HIVEP3: variants seen among roughly 807,000 people sequenced by gnomAD.
The protein encoded by HIVEP3 is transcription factor HIVEP3.
A neutral mutation model predicts 152.8 loss-of-function variants in HIVEP3; 49 were observed. The ratio of observed to expected loss-of-function variants is 0.32; its 90% CI spans 0.26 to 0.41. HIVEP3 has a LOEUF of 0.41. HIVEP3 is among the 10% of genes least tolerant of loss of function. The pLI is 1.00. For synonymous variants in HIVEP3, 1,269 were observed against 1,289.0 expected (o/e 0.98, Z 0.33); for missense variants, 2,790 against 3,103.3 (o/e 0.90, Z 2.40).
chr1:41,622,946 G>A (rs927364818), intron 3 of HIVEP3, among the ~76,000 whole-genome samples: 4 of 152,222 alleles, frequency 2.6e-5, no homozygotes, highest in African/African-American at 9.6e-5. Context: ...GTAACTGCTG[G>A]ATATAGCTAG....
intron 1 of HIVEP3, among the ~76,000 whole-genome samples, chr1:41,949,562 A>G (rs1384640336): frequency 6.6e-6 from 1 of 152,122 alleles, no homozygotes; most frequent in Admixed American, 6.5e-5. Context: ...CGAGAAAGTT[A>G]AAGAAATTCG....
At chr1:41,516,189 C>CTTCCCA (rs11273939) in intron 7 of HIVEP3, among the ~76,000 whole-genome samples, 364 of 152,354 alleles carry the variant, frequency 2.4e-3, no homozygotes, top group African/African-American at 8.0e-3. Context: ...TGGGCGGCCC[C>CTTCCCA]GCCCCTGCTG....
intron 3 of HIVEP3, among the ~76,000 whole-genome samples, chr1:41,589,213 G>A (rs1048478724): frequency 6.6e-6 from 1 of 152,212 alleles, no homozygotes. Flanking sequence ...ACAGAGGCCT[G>A]AACCCCAGAC....
At chr1:41,886,489 G>T (rs534745554) in intron 1 of HIVEP3, among the ~76,000 whole-genome samples, 4 of 152,188 alleles carry the variant, frequency 2.6e-5, no homozygotes, top group Non-Finnish European at 4.4e-5. Flanking sequence ...GAGGCAGGCG[G>T]ATCCTCTGAG....
intron 6 of HIVEP3, 144 bp downstream of exon 6, chr1:41,524,591 C>T: frequency 1.3e-6 from 1 of 751,250 alleles, no homozygotes; most frequent in Admixed American, 2.2e-5. Flanking sequence ...TGCCACTGGG[C>T]ACCAAGCTGG....
rs1184821617 is a variant in HIVEP3, at chr1:41,687,666, T to G, written c.-721+13250A>C. On this transcript the variant is annotated intron_variant, in intron 2 of 8. Coordinates refer to ENST00000372583, the MANE Select transcript of HIVEP3 (RefSeq NM_024503.5). ...CTGGGAGCAATGACAGAGTCCCCGG[T>G]GCCCCTTCATCATCTGAGAAAGCTC... Among the ~76,000 whole-genome samples, 4 of 152,226 alleles carry G rather than the reference T, an allele frequency of 2.6e-5. No individual in the cohort carries two copies. The East Asian group carries it at 7.7e-4, about 29-fold the overall frequency.
At chr1:41,966,794 T>G (rs942533898) in intron 1 of HIVEP3, among the ~76,000 whole-genome samples, 2 of 151,776 alleles carry the variant, frequency 1.3e-5, no homozygotes, top group African/African-American at 4.8e-5. Flanking sequence ...TGTGCTGTAT[T>G]CAAAAGACCC....
chr1:41,791,594 G>C (rs1470357068), intron 1 of HIVEP3, among the ~76,000 whole-genome samples: 1 of 115,110 alleles, frequency 8.7e-6, no homozygotes, highest in Non-Finnish European at 1.7e-5. Context: ...AGAGGCCAAA[G>C]AGAGAAGTTG....
chr1:41,741,629 G>C (rs1646997721), intron 1 of HIVEP3, among the ~76,000 whole-genome samples: 1 of 152,250 alleles, frequency 6.6e-6, no homozygotes, highest in South Asian at 2.1e-4. Flanking sequence ...GTCACGCTGA[G>C]GCTGCAGCCA....
At chr1:41,973,935 A>C (rs775814047) in intron 1 of HIVEP3, among the ~76,000 whole-genome samples, 3 of 152,172 alleles carry the variant, frequency 2.0e-5, no homozygotes, top group Admixed American at 1.3e-4. Flanking sequence ...CACTGGAGGG[A>C]ATTCAGTGGA....
intron 2 of HIVEP3, among the ~76,000 whole-genome samples, chr1:41,694,062 T>C (rs1646236029): frequency 6.6e-6 from 1 of 152,272 alleles, no homozygotes; most frequent in Admixed American, 6.5e-5. Flanking sequence ...AGATGTACTT[T>C]GTAAACATTT....
intron 1 of HIVEP3, among the ~76,000 whole-genome samples, chr1:42,033,356 G>C (rs1452759580): frequency 6.6e-6 from 1 of 151,844 alleles, no homozygotes; most frequent in African/African-American, 2.4e-5. Flanking sequence ...ACACTCCTTG[G>C]TGCAACAAAA....
Position 42,011,212 on chromosome 1 carries a change from T to C in HIVEP3, n.119+24595A>G, listed in dbSNP as rs544905578. ...TGTCATCTTGAAAAAGAATCCTGTG[T>C]ACATTTCTATTAACACAAGTCAACT... On this transcript the variant is annotated intron_variant and non_coding_transcript_variant, in intron 1 of 3. Coordinates refer to the HIVEP3 transcript ENST00000489103. 2.0e-5 allele frequency among the ~76,000 whole-genome samples: 3 copies of C among 152,330 alleles called. No individual in the cohort carries two copies. In the South Asian group the frequency reaches 6.2e-4, roughly 32 times the overall value.
At chr1:41,722,403 G>GCCTTCCTTCCTTCTTT in intron 1 of HIVEP3, among the ~76,000 whole-genome samples, 1 of 113,054 alleles carries the variant, frequency 8.8e-6, no homozygotes, top group Non-Finnish European at 1.8e-5. Flanking sequence ...AATTTGGCTG[G>GCCTTCCTTCCTTCTTT]CCTTCCTTCC....
At chr1:41,838,956 TA>T (rs779836505) in intron 1 of HIVEP3, among the ~76,000 whole-genome samples, 22 of 152,208 alleles carry the variant, frequency 1.4e-4, no homozygotes, top group Non-Finnish European at 2.8e-4. Flanking sequence ...ACAGTGTTAA[TA>T]GCTGACAACT....
Position 41,620,315 on chromosome 1 carries a change from G to A in HIVEP3, c.-522+8434C>T, listed in dbSNP as rs1266361217. ...TCGTGATTTCAGTTTTAGTTTGATT[G>A]ACATTTTTATTTACCCATGACATAG... is the stretch of plus-strand genomic sequence containing the variant. On this transcript the variant is annotated intron_variant, in intron 3 of 8. Transcript: ENST00000372583. Among the ~76,000 whole-genome samples the A allele has an allele frequency of 2.6e-5, 4 of 152,146 alleles. No individual in the cohort carries two copies. The South Asian group carries it at 8.3e-4, about 32-fold the overall frequency.
intron 1 of HIVEP3, among the ~76,000 whole-genome samples, chr1:42,016,536 T>C (rs572296943): frequency 6.6e-6 from 1 of 152,236 alleles, no homozygotes; most frequent in Admixed American, 6.5e-5. Flanking sequence ...TTTGGTATAG[T>C]TCCTACTGAT....
chr1:41,739,980 A>G (rs1646973065), intron 1 of HIVEP3, among the ~76,000 whole-genome samples: 1 of 152,146 alleles, frequency 6.6e-6, no homozygotes, highest in African/African-American at 2.4e-5. Context: ...ACCCACAACC[A>G]CGGCATAACC....
chr1:41,882,225 G>T (rs556319659), intron 1 of HIVEP3, among the ~76,000 whole-genome samples: 2 of 152,140 alleles, frequency 1.3e-5, no homozygotes, highest in Non-Finnish European at 2.9e-5. Context: ...CCAAATAAAC[G>T]TTCCACTGGG....
Sources: gnomAD v4.1 joint callset for allele counts (sites outside exome capture counted in the v4.1 genomes callset) on GRCh38, gnomAD v4.1.1 for gene constraint, MANE v1.5 for transcripts, NCBI Gene and HGNC (gene_info 2026-07-23, HGNC 2026-07-21) for gene names.